TBKBP1: variants seen among roughly 807,000 people sequenced by gnomAD.
The protein encoded by TBKBP1 is TBK1 binding protein 1.
Under a neutral mutation model 69.9 loss-of-function variants are expected in TBKBP1, and 47 were observed. The ratio of observed to expected loss-of-function variants is 0.67; its 90% CI spans 0.53 to 0.86. TBKBP1 has a LOEUF of 0.86. Among genes scored for constraint, TBKBP1 ranks in the 40% least tolerant of loss-of-function variants. TBKBP1 has a pLI of 0.00. For synonymous variants in TBKBP1, 418 were observed against 390.3 expected, an observed-to-expected ratio of 1.07 and a Z score of -0.84; for missense variants, 831 against 858.6, an observed-to-expected ratio of 0.97 and a Z score of 0.40.
Position 47,706,244 on chromosome 17 carries a change from C to T in TBKBP1, c.873-2150C>T, listed in dbSNP as rs77514724. ...CCCTGCCCAGAGCCCTCTCCTTCCC[C>T]TGCTGCCAAGGAGATAGCACGATCC... On this transcript the variant is annotated intron_variant, in intron 7 of 9. Coordinates refer to ENST00000578982, the MANE Select transcript of TBKBP1 (RefSeq NM_001394755.1). Among the ~76,000 whole-genome samples the T allele has an allele frequency of 5.1e-3, 776 of 152,292 alleles. 8 individuals are homozygous for T. Among genetic ancestry groups the T allele is most frequent in the East Asian group, 0.034 (174 of 5,178 alleles).
At chr17:47,700,732 C>T (rs2031468719) in intron 7 of TBKBP1, among the ~76,000 whole-genome samples, 1 of 152,054 alleles carries the variant, frequency 6.6e-6, no homozygotes, top group Admixed American at 6.5e-5. Context: ...GAGTTAGAAT[C>T]TGCTCTGCTA....
At position 47,696,224 on chromosome 17, in the gene TBKBP1, T is replaced by C; in HGVS notation, c.112T>C (p.Ser38Pro). Residue 38 changes from serine (S) to proline (P), a missense_variant, in exon 2 of 10, where the codon TCC becomes CCC. By Grantham distance (74) the Ser-to-Pro change is moderately conservative. Coordinates refer to ENST00000578982, the MANE Select transcript of TBKBP1 (RefSeq NM_001394755.1). Reference protein sequence around the residue: ...GDPSLGGDMCSASHFALITAY... With the variant: ...GDPSLGGDMCPASHFALITAY... ...CCCCTCGCTTGGGGGCGACATGTGC[T>C]CCGCCTCCCACTTTGCCCTCATCAC... The C allele has an allele frequency of 6.2e-7, 1 of 1,613,700 alleles. No individual in the cohort carries two copies. Among genetic ancestry groups the C allele is most frequent in the Non-Finnish European group, 8.5e-7 (1 of 1,179,848 alleles).
At chr17:47,697,848 C>T (rs1473311446) in intron 4 of TBKBP1, among the ~76,000 whole-genome samples, 1 of 149,554 alleles carries the variant, frequency 6.7e-6, no homozygotes, top group East Asian at 2.0e-4. Flanking sequence ...ACTCAGGAGG[C>T]TGAGGTGGGA....
At chr17:47,702,643 G>A (rs943909595) in intron 7 of TBKBP1, among the ~76,000 whole-genome samples, 2 of 152,064 alleles carry the variant, frequency 1.3e-5, no homozygotes, top group Non-Finnish European at 2.9e-5. Flanking sequence ...AGACCAGACC[G>A]AGGCAGACTA....
intron 4 of TBKBP1, 47 bp downstream of exon 4, chr17:47,697,240 T>A: frequency 6.8e-7 from 1 of 1,479,686 alleles, no homozygotes; most frequent in Non-Finnish European, 9.3e-7. Context: ...TAGCTGGTTG[T>A]GTGTGTGCAT....
rs2031759650 is a variant in TBKBP1 at position 47,708,129 on chromosome 17, G to T, written c.873-265G>T. The stretch of plus-strand genomic sequence containing the variant: ...TTCAGGGAGCCCTTGGAATCTCTCT[G>T]CTCCCTGTCCCTGCACTTAGGCTGG... On this transcript the variant is annotated intron_variant, in intron 7 of 9. Coordinates refer to ENST00000578982, the MANE Select transcript of TBKBP1 (RefSeq NM_001394755.1). This position sits in a 1 kb window ranked among gnomAD's most constrained non-coding sequence, Gnocchi z 4.4. Among the ~76,000 whole-genome samples, 1 of 152,220 alleles carries T rather than the reference G, an allele frequency of 6.6e-6. No individual in the cohort carries two copies. Among genetic ancestry groups the T allele is most frequent in the Admixed American group, 6.5e-5 (1 of 15,288 alleles).
At chr17:47,697,637 C>T (rs1043136993) in intron 4 of TBKBP1, among the ~76,000 whole-genome samples, 4 of 152,094 alleles carry the variant, frequency 2.6e-5, no homozygotes, top group African/African-American at 4.8e-5. Context: ...GGTGTGCTTC[C>T]GAGTCAGGGT....
At chr17:47,703,467 G>T (rs952743115) in intron 7 of TBKBP1, among the ~76,000 whole-genome samples, 2 of 152,170 alleles carry the variant, frequency 1.3e-5, no homozygotes, top group African/African-American at 4.8e-5. Context: ...CAGGGCACCC[G>T]CGCTGCACTC....
intron 7 of TBKBP1, among the ~76,000 whole-genome samples, chr17:47,703,760 A>G (rs911452663): frequency 6.7e-5 from 10 of 148,188 alleles, no homozygotes; most frequent in Non-Finnish European, 1.5e-4. Flanking sequence ...TTTTTTGTCC[A>G]TGCCAGACAC....
rs774907623 is a variant in TBKBP1, at chr17:47,699,346, G to A, written c.661G>A (p.Val221Met). ...AGGCTGGCCGGGCTCCACACCCAGT[G>A]TGAGTGACCTGGAGCGGCGGCGGCT... ...HAGWPGSTPSVSDLERRRLEE... is the reference protein window; with the variant it reads ...HAGWPGSTPSMSDLERRRLEE... The change falls in exon 6 of 10, where the codon GTG becomes ATG. Residue 221 changes from valine to methionine, a missense_variant. Transcript: ENST00000578982. 6.5e-7 allele frequency: 1 copy of A among 1,546,722 alleles called. No individual in the cohort carries two copies. The highest frequency in any genetic ancestry group is 1.2e-5 in the South Asian group (1 of 80,966).
chr17:47,696,481 G>A, intron 2 of TBKBP1, 144 bp downstream of exon 2: 1 of 1,153,082 alleles, frequency 8.7e-7, no homozygotes, highest in East Asian at 2.5e-5. Context: ...AGACGTGGCT[G>A]TTCCGGATGC....
Position 47,708,784 on chromosome 17 carries a change from T to A in TBKBP1, c.1051T>A (p.Ser351Thr). Residue 351 changes from serine to threonine, a missense_variant, in exon 9 of 10, where the codon TCC (serine) becomes ACC (threonine). Coordinates refer to ENST00000578982, the MANE Select transcript of TBKBP1 (RefSeq NM_001394755.1). This position sits in a 1 kb window ranked among gnomAD's most constrained non-coding sequence, Gnocchi z 4.4. ...HSPAPQCPSP[S>T]PPARAAPPCP... Reference sequence around the variant, plus strand: ...CCCGGCCCCCCAGTGCCCCTCCCCCTCCCCGCCTGCCCGAGCGGCTCCCCC... The same window carrying A: ...CCCGGCCCCCCAGTGCCCCTCCCCCACCCCGCCTGCCCGAGCGGCTCCCCC... 1.0e-5 allele frequency: 3 copies of A among 293,274 alleles called. No individual in the cohort carries two copies. The highest frequency in any genetic ancestry group is 1.7e-5 in the Non-Finnish European group (3 of 173,498). The allele number at this position is 293,274 out of a possible 1,614,324, so 18.2% of individuals were successfully genotyped here. A position where few individuals can be genotyped will look rare whatever the true frequency, so the allele number is the denominator to read the frequency against.
chr17:47,710,813 T>A lies in TBKBP1; in HGVS notation c.*187T>A. The stretch of plus-strand genomic sequence containing the variant: ...GGCACCACTCAGCTCTGGCTCTTCC[T>A]GGGAGGTCAGCCGAGGCTCCCCCCA... On this transcript the variant is annotated 3_prime_UTR_variant, in exon 10 of 10. Transcript: ENST00000578982. The A allele has an allele frequency of 1.2e-6, 1 of 830,662 alleles. No individual in the cohort carries two copies. Among genetic ancestry groups the A allele is most frequent in the Non-Finnish European group, 1.8e-6 (1 of 568,902 alleles). The allele number at this position is 830,662 out of a possible 1,614,324, so 51.5% of individuals were successfully genotyped here.
At position 47,696,329 on chromosome 17, in the gene TBKBP1, G is replaced by A. The variant is rs777089443; in HGVS notation, c.217G>A (p.Glu73Lys). The A allele has an allele frequency of 1.2e-6, 2 of 1,612,806 alleles. No homozygotes were observed. Among genetic ancestry groups the A allele is most frequent in the South Asian group, 2.2e-5 (2 of 91,080 alleles). Residue 73 changes from glutamate (E) to lysine (K), a missense_variant, in exon 2 of 10, where the codon GAG (glutamate) becomes AAG (lysine). Glu to Lys is a moderately conservative substitution (Grantham distance 56). Coordinates refer to ENST00000578982, the MANE Select transcript of TBKBP1 (RefSeq NM_001394755.1). ...ATLRRRLKVY[E>K]IKYPLISDFG... ...CCTCCGACGCCGCCTCAAAGTCTAC[G>A]AGATCAAGGTCAGAACTTGGAGAGG...
intron 7 of TBKBP1, among the ~76,000 whole-genome samples, chr17:47,703,412 C>T (rs763774452): frequency 1.1e-4 from 17 of 152,312 alleles, no homozygotes; most frequent in Non-Finnish European, 2.4e-4. Context: ...TCCCCCTTCA[C>T]GCTTCTCACC....
At chr17:47,701,152 CCCTCGCCTA>C (rs1206605744) in intron 7 of TBKBP1, among the ~76,000 whole-genome samples, 2 of 152,108 alleles carry the variant, frequency 1.3e-5, no homozygotes, top group East Asian at 3.9e-4. Context: ...CTGGGGATAC[CCCTCGCCTA>C]CCTCCCTACC....
chr17:47,709,453 G>C lies in TBKBP1; in HGVS notation c.1719+1G>C. On this transcript the variant is annotated splice_donor_variant, in intron 9 of 9. Transcript: ENST00000578982. LOFTEE classifies it high-confidence loss of function. ...CGCGCAGTCCTGGCCGTCCATCAAC[G>C]TGAGTGGGGCGCCCGCGTTCCGCCC... The C allele has an allele frequency of 6.6e-7, 1 of 1,520,518 alleles. No individual in the cohort carries two copies. The highest frequency in any genetic ancestry group is 8.8e-7 in the Non-Finnish European group (1 of 1,141,904). The allele number at this position is 1,520,518 out of a possible 1,614,324, so 94.2% of individuals were successfully genotyped here.
intron 1 of TBKBP1, chr17:47,695,508 C>G (rs550797735): frequency 6.5e-6 from 1 of 152,728 alleles, no homozygotes; most frequent in Non-Finnish European, 1.5e-5. Context: ...GCCACAGCCC[C>G]GGTGCGCCCG....
chr17:47,698,700 C>G lies in TBKBP1; in HGVS notation c.559C>G (p.Pro187Ala). 1 of 1,606,698 alleles carries G rather than the reference C, an allele frequency of 6.2e-7. No individual in the cohort carries two copies. The highest frequency in any genetic ancestry group is 8.5e-7 in the Non-Finnish European group (1 of 1,176,690). ...AGCCTTCTCCAACCTGAGCCCACCG[C>G]CAGCCCCCGCCCCTCCCTGCACTGA... ...DAAFSNLSPP[P>A]APAPPCTDLD... Residue 187 changes from proline to alanine, a missense_variant, in exon 5 of 10, where the codon CCA (proline) becomes GCA (alanine). Pro to Ala is a conservative substitution (Grantham distance 27). Transcript: ENST00000578982.
Sources: allele counts gnomAD v4.1 joint callset (sites outside exome capture counted in the v4.1 genomes callset), GRCh38; gene constraint gnomAD v4.1.1; non-coding constraint Gnocchi (gnomAD v3.1); transcripts MANE v1.5; gene names NCBI Gene and HGNC (gene_info 2026-07-23, HGNC 2026-07-21).